Variants in RALGDS observed in about 807,000 individuals in gnomAD.
RALGDS encodes ral guanine nucleotide exchange factor.
A neutral mutation model predicts 99.8 loss-of-function variants in RALGDS; 44 were observed. The observed-to-expected ratio is 0.44, with a 90% confidence interval of 0.35 to 0.57. The LOEUF (loss-of-function observed/expected upper bound fraction) is 0.57, where lower values mean the gene tolerates loss of function less well. Ranked by LOEUF, RALGDS falls within the 20% of genes least tolerant of loss-of-function variation. The pLI is 0.01. For synonymous variants in RALGDS, 529 were observed against 505.0 expected, an observed-to-expected ratio of 1.05 and a Z score of -0.64; for missense variants, 1,022 against 1,203.1, an observed-to-expected ratio of 0.85 and a Z score of 2.23.
At chr9:133,103,540 T>G in intron 11 of RALGDS, 1 of 694,584 alleles carries the variant, frequency 1.4e-6, no homozygotes, top group South Asian at 1.6e-5. Context: ...GGCTTCCCTC[T>G]GTGCTCAGGG....
upstream of RALGDS, among the ~76,000 whole-genome samples, chr9:133,121,451 G>A (rs1049343037): frequency 5.9e-5 from 9 of 152,140 alleles, no homozygotes; most frequent in African/African-American, 2.2e-4. Flanking sequence ...CGGGGAGGTC[G>A]AGGGGTGCGC....
chr9:133,129,241 A>G (rs765779601), intron 1 of RALGDS: 1 of 1,597,232 alleles, frequency 6.3e-7, no homozygotes, highest in Non-Finnish European at 8.5e-7. Context: ...CCACAGAGAC[A>G]CAGGCAAAGA....
intron 9 of RALGDS, among the ~76,000 whole-genome samples, chr9:133,105,106 T>C (rs1225330852): frequency 6.6e-6 from 1 of 152,154 alleles, no homozygotes; most frequent in Non-Finnish European, 1.5e-5. Context: ...TTCTCGTGCA[T>C]GCCAGGGCCC....
chr9:133,105,819 GCCCCA>G, intron 9 of RALGDS, 108 bp downstream of exon 9: 8 of 162,556 alleles, frequency 4.9e-5, no homozygotes, highest in Non-Finnish European at 5.3e-5. Context: ...ACCGCCCGCC[GCCCCA>G]GCCCCCGCCC....
In RALGDS at chr9:133,108,639, T is replaced by C. The variant is rs921155640; in HGVS notation, c.778+34A>G. ...GTGGCCCAGCACCGACCCCTCCTCA[T>C]TCACCCTCTGGCACCCACCCCAGTC... On this transcript the variant is annotated intron_variant, in intron 5 of 17. Coordinates refer to ENST00000372050, the MANE Select transcript of RALGDS (RefSeq NM_006266.4). 6 of 1,610,028 alleles carry C rather than the reference T, an allele frequency of 3.7e-6. No homozygotes were observed. In the African/African-American group the frequency reaches 5.4e-5, roughly 14 times the overall value.
At chr9:133,136,880 T>C (rs557579781) in intron 1 of RALGDS, among the ~76,000 whole-genome samples, 53 of 152,088 alleles carry the variant, frequency 3.5e-4, no homozygotes, top group Non-Finnish European at 6.6e-4. Flanking sequence ...GAGGTTGCAG[T>C]GAGCTGAGAT....
upstream of RALGDS, among the ~76,000 whole-genome samples, chr9:133,125,550 G>A (rs1391992482): frequency 7.9e-5 from 12 of 152,060 alleles, no homozygotes; most frequent in East Asian, 3.9e-4. Flanking sequence ...CCTGGCCAAC[G>A]TGGTAAAACC....
intron 1 of RALGDS, among the ~76,000 whole-genome samples, chr9:133,148,169 A>C (rs1288556073): frequency 6.6e-6 from 1 of 152,198 alleles, no homozygotes; most frequent in African/African-American, 2.4e-5. Flanking sequence ...CACGTCTACG[A>C]GCCTGTGGGA....
At chr9:133,122,533 G>C (rs1407840140), upstream of RALGDS, among the ~76,000 whole-genome samples, 1 of 152,188 alleles carries the variant, frequency 6.6e-6, no homozygotes, top group Admixed American at 6.5e-5. Flanking sequence ...ACTGTGACTG[G>C]AGTGAGGCGG....
chr9:133,143,880 G>A (rs1008219084), intron 1 of RALGDS, among the ~76,000 whole-genome samples: 1 of 150,260 alleles, frequency 6.7e-6, no homozygotes, highest in African/African-American at 2.5e-5. Flanking sequence ...TGTGCACTCC[G>A]CTCCCTTTCG....
At chr9:133,148,306 G>A (rs1832658923) in intron 1 of RALGDS, among the ~76,000 whole-genome samples, 1 of 152,220 alleles carries the variant, frequency 6.6e-6, no homozygotes, top group Non-Finnish European at 1.5e-5. Context: ...GGTGAACACA[G>A]AACCCCACAA....
intron 1 of RALGDS, among the ~76,000 whole-genome samples, chr9:133,146,130 T>C (rs905134182): frequency 6.6e-5 from 10 of 152,218 alleles, no homozygotes. Context: ...CTGTGGCATA[T>C]GGGAGCATCT....
At chr9:133,105,223 G>T (rs929649206) in intron 9 of RALGDS, among the ~76,000 whole-genome samples, 1 of 152,198 alleles carries the variant, frequency 6.6e-6, no homozygotes, top group Non-Finnish European at 1.5e-5. Context: ...GGGGGCCCTA[G>T]ATGCCATTTC....
intron 12 of RALGDS, 152 bp downstream of exon 12, chr9:133,103,078 C>T (rs1830839102): frequency 1.5e-6 from 2 of 1,332,236 alleles, no homozygotes; most frequent in Non-Finnish European, 2.1e-6. Flanking sequence ...AACCTCCTAC[C>T]CTCACCCTCC....
At position 133,098,228 on chromosome 9, in the gene RALGDS, C is replaced by G. The variant is rs572381662; in HGVS notation, c.*359G>C. The stretch of plus-strand genomic sequence containing the variant: ...TGGTCACAGTGGGTGCTCTGGGGTG[C>G]CCATGGGCACAGGTGGCAGTGACCC... On this transcript the variant is annotated 3_prime_UTR_variant, in exon 18 of 18. Transcript: ENST00000372050. 3.2e-4 allele frequency: 134 copies of G among 418,280 alleles called. 1 individual carries two copies. Among genetic ancestry groups the G allele is most frequent in the African/African-American group, 2.4e-3 (122 of 50,662 alleles). 25.9% of individuals were successfully genotyped at this position (418,280 alleles called of 1,614,324 possible). A position where few individuals can be genotyped will look rare whatever the true frequency, so the allele number is the denominator to read the frequency against.
chr9:133,109,200 A>T (rs755127038), intron 4 of RALGDS, among the ~76,000 whole-genome samples: 3 of 152,100 alleles, frequency 2.0e-5, no homozygotes, highest in Non-Finnish European at 4.4e-5. Context: ...TTACTCTCTC[A>T]GAGCTGTGTG....
At chr9:133,139,838 G>C (rs920579286) in intron 1 of RALGDS, among the ~76,000 whole-genome samples, 2 of 152,132 alleles carry the variant, frequency 1.3e-5, no homozygotes, top group Non-Finnish European at 2.9e-5. Flanking sequence ...GGGGCCTCAG[G>C]AACATCTCAT....
At chr9:133,102,329 G>T in intron 14 of RALGDS, 147 bp downstream of exon 14, 1 of 1,087,324 alleles carries the variant, frequency 9.2e-7, no homozygotes. Context: ...GCCCAAAAAG[G>T]TGAGGGGACT....
intron 1 of RALGDS, among the ~76,000 whole-genome samples, chr9:133,139,512 A>T (rs1832484648): frequency 6.6e-6 from 1 of 152,200 alleles, no homozygotes; most frequent in Non-Finnish European, 1.5e-5. Flanking sequence ...GCCTGGGGCC[A>T]GGTGGACTGC....
Sources: allele counts gnomAD v4.1 joint callset (sites outside exome capture counted in the v4.1 genomes callset), GRCh38; gene constraint gnomAD v4.1.1; transcripts MANE v1.5; gene names NCBI Gene and HGNC (gene_info 2026-07-23, HGNC 2026-07-21).